The following NOS1 variants were observed in gnomAD, a reference collection of about 807,000 sequenced individuals.
NOS1 encodes the protein nitric oxide synthase 1.
A neutral mutation model predicts 164.5 loss-of-function variants in NOS1; 51 were observed. The ratio of observed to expected loss-of-function variants is 0.31; its 90% confidence interval spans 0.25 to 0.39. NOS1 has a LOEUF of 0.39. Among genes scored for constraint, NOS1 ranks in the 10% least tolerant of loss-of-function variants. The pLI is 1.00. For missense variants in NOS1, 1,362 were observed against 1,885.6 expected (o/e 0.72, Z 5.14); for synonymous variants, 719 against 745.8 (o/e 0.96, Z 0.59).
At chr12:117,294,844 G>A (rs1037330599) in intron 3 of NOS1, among the ~76,000 whole-genome samples, 2 of 152,084 alleles carry the variant, frequency 1.3e-5, no homozygotes, top group African/African-American at 4.8e-5. Flanking sequence ...TGGGACACCC[G>A]CCCCTAAGTG....
intron 2 of NOS1, among the ~76,000 whole-genome samples, chr12:117,318,499 T>C (rs542231903): frequency 6.6e-6 from 1 of 152,340 alleles, no homozygotes; most frequent in South Asian, 2.1e-4. Context: ...CTTCACTAGC[T>C]GGATGATCAT....
At chr12:117,248,437 A>T (rs959649780) in intron 17 of NOS1, among the ~76,000 whole-genome samples, 5 of 151,664 alleles carry the variant, frequency 3.3e-5, no homozygotes, top group Non-Finnish European at 1.5e-5. Flanking sequence ...ATGAGTGAGA[A>T]TATGCGGTGT....
At position 117,234,788 on chromosome 12, in the gene NOS1, C is replaced by A; in HGVS notation, c.3042-30G>T. 2 of 1,574,674 alleles carry A rather than the reference C, an allele frequency of 1.3e-6. No individual in the cohort carries two copies. The highest frequency in any genetic ancestry group is 1.3e-5 in the African/African-American group (1 of 74,186). ...AGGAAATTGCAGAGGAATCATAGGA[C>A]AAGGGCCAGCAGCTACTTCCTCCTT... On this transcript the variant is annotated intron_variant, in intron 20 of 28. Transcript: ENST00000317775. This position sits in a 1 kb window ranked among gnomAD's most constrained non-coding sequence, Gnocchi z 4.3.
At chr12:117,298,520 G>C (rs939159812) in intron 3 of NOS1, among the ~76,000 whole-genome samples, 9 of 152,144 alleles carry the variant, frequency 5.9e-5, no homozygotes, top group African/African-American at 2.2e-4. Flanking sequence ...TTCATATGTT[G>C]ATGTCCTAAA....
chr12:117,238,272 A>C (rs1566033845), intron 20 of NOS1, among the ~76,000 whole-genome samples: 1 of 152,092 alleles, frequency 6.6e-6, no homozygotes, highest in Non-Finnish European at 1.5e-5. Flanking sequence ...CTTGCATAGT[A>C]AAAGATTAGG....
At position 117,295,615 on chromosome 12, in the gene NOS1, C is replaced by CTTTTTT. The variant is rs33913257; in HGVS notation, c.853-5195_853-5190dup. The stretch of plus-strand genomic sequence containing the variant: ...ATGTTAGAGATCTTTCCTGATCATT[C>CTTTTTT]TTTTTTTTTTTTTTTTTTTTGAGAC... On this transcript the variant is annotated intron_variant, in intron 3 of 28. Transcript: ENST00000317775. Among the ~76,000 whole-genome samples, 31 of 105,092 alleles carry CTTTTTT rather than the reference C, an allele frequency of 2.9e-4. 1 individual carries two copies. The highest frequency in any genetic ancestry group is 6.9e-4 in the South Asian group (2 of 2,896). 68.9% of individuals were successfully genotyped at this position (105,092 alleles called of 152,430 possible).
At chr12:117,321,922 C>CTCCT (rs1319455335) in intron 2 of NOS1, among the ~76,000 whole-genome samples, 1 of 140,798 alleles carries the variant, frequency 7.1e-6, no homozygotes, top group South Asian at 2.4e-4. Context: ...CCCTCCCTCC[C>CTCCT]TCCTTCCTTC....
chr12:117,321,770 T>C (rs1177988525), intron 2 of NOS1, among the ~76,000 whole-genome samples: 2 of 152,154 alleles, frequency 1.3e-5, no homozygotes, highest in African/African-American at 4.8e-5. Context: ...CAGACAGTCC[T>C]GGAATCAATA....
chr12:117,359,697 T>A (rs1243222227), intron 1 of NOS1, among the ~76,000 whole-genome samples: 1 of 150,904 alleles, frequency 6.6e-6, no homozygotes, highest in African/African-American at 2.4e-5. Flanking sequence ...GCTATGGGAG[T>A]AGAGGGAAGA....
At chr12:117,347,089 C>T (rs576494382) in intron 1 of NOS1, among the ~76,000 whole-genome samples, 13 of 152,138 alleles carry the variant, frequency 8.5e-5, no homozygotes, top group African/African-American at 2.9e-4. Context: ...AAGTTGAAGA[C>T]GAGCCTGGCC....
chr12:117,321,176 A>AT (rs1458452273), intron 2 of NOS1, among the ~76,000 whole-genome samples: 1 of 151,892 alleles, frequency 6.6e-6, no homozygotes, highest in African/African-American at 2.4e-5. Context: ...CACCTGGCTG[A>AT]TTTTTGTATT....
chr12:117,254,378 A>G (rs986364895), intron 16 of NOS1, among the ~76,000 whole-genome samples: 4 of 152,190 alleles, frequency 2.6e-5, no homozygotes, highest in African/African-American at 9.7e-5. Flanking sequence ...AAGTGCTGGG[A>G]TTACAGGTGT....
intron 17 of NOS1, among the ~76,000 whole-genome samples, chr12:117,250,166 G>A (rs1870977452): frequency 6.6e-6 from 1 of 151,996 alleles, no homozygotes. Flanking sequence ...GGGTCCAGGT[G>A]CCTCACAGGT....
intron 7 of NOS1, among the ~76,000 whole-genome samples, chr12:117,283,056 A>ATTTTT (rs201451951): frequency 1.1e-4 from 10 of 92,954 alleles, no homozygotes; most frequent in African/African-American, 3.6e-4. Context: ...ATATATATAT[A>ATTTTT]TTTTTTTTTT....
chr12:117,222,867 G>A lies in NOS1; in HGVS notation c.3827-4C>T, dbSNP rs749951850. The A allele has an allele frequency of 2.0e-5, 32 of 1,612,502 alleles. No individual in the cohort carries two copies. The South Asian group carries it at 2.5e-4, about 13-fold the overall frequency. ...ACCATGGGGCAGGGGTTCATTCCTG[G>A]GGACCAGGAAGACCTTATGTCACCG... On this transcript the variant is annotated splice_region_variant and splice_polypyrimidine_tract_variant and intron_variant, in intron 25 of 28. Coordinates refer to ENST00000317775, the MANE Select transcript of NOS1 (RefSeq NM_000620.5).
rs76386723 is a variant in NOS1 at position 117,303,860 on chromosome 12, C to T, written c.852+7606G>A. Among the ~76,000 whole-genome samples the T allele has an allele frequency of 4.2e-3, 644 of 152,200 alleles. 5 individuals are homozygous for T. Among genetic ancestry groups the T allele is most frequent in the South Asian group, 0.012 (60 of 4,820 alleles). ...ATCTGGGGTAGCTTTTTACTTAAGA[C>T]GATTATTATAACAGCCTTTAGGATG... On this transcript the variant is annotated intron_variant, in intron 3 of 28. Transcript: ENST00000317775.
chr12:117,328,710 A>G (rs1875380794), intron 2 of NOS1, among the ~76,000 whole-genome samples: 1 of 152,222 alleles, frequency 6.6e-6, no homozygotes, highest in African/African-American at 2.4e-5. Flanking sequence ...GACTACAGGC[A>G]TGTGCCATCA....
intron 14 of NOS1, among the ~76,000 whole-genome samples, chr12:117,260,126 A>T (rs1246351236): frequency 2.1e-5 from 3 of 141,934 alleles, no homozygotes; most frequent in Non-Finnish European, 4.4e-5. Flanking sequence ...CTCAAAAAAA[A>T]AAAAAAACAA....
chr12:117,261,063 G>T (rs1188247548), intron 13 of NOS1, among the ~76,000 whole-genome samples: 1 of 151,768 alleles, frequency 6.6e-6, no homozygotes, highest in Non-Finnish European at 1.5e-5. Context: ...CAGCTACTTG[G>T]GAGGCTAAGG....
Sources: gnomAD v4.1 joint callset for allele counts (sites outside exome capture counted in the v4.1 genomes callset) on GRCh38, gnomAD v4.1.1 for gene constraint, Gnocchi (gnomAD v3.1) non-coding constraint, MANE v1.5 for transcripts, NCBI Gene and HGNC (gene_info 2026-07-23, HGNC 2026-07-21) for gene names.